The following FAAH2 variants were observed in gnomAD, a reference collection of about 807,000 sequenced individuals.
FAAH2 encodes fatty acid amide hydrolase 2.
In FAAH2, 60 loss-of-function variants were observed where a neutral mutation model predicts 36.9. That is an observed-to-expected ratio of 1.63 (90% CI 1.32 to 2.02). The LOEUF is 2.02. Among genes scored for constraint, FAAH2 ranks in the 30% most tolerant of loss-of-function variants. The pLI is 0.00. For synonymous variants in FAAH2, 214 were observed against 143.8 expected, an observed-to-expected ratio of 1.49 and a Z score of -3.49; for missense variants, 689 against 397.5, an observed-to-expected ratio of 1.73 and a Z score of -6.23.
chrX:57,256,737 C>CT, the FAAH2 span, among the ~76,000 whole-genome samples: 2 of 112,089 alleles, frequency 1.8e-5, no homozygotes, highest in Non-Finnish European at 3.8e-5. Flanking sequence ...GCAAAAGAAA[C>CT]TATCATCAGA....
chrX:57,323,929 G>A (rs1194527061), intron 3 of FAAH2, among the ~76,000 whole-genome samples: 1 of 110,960 alleles, frequency 9.0e-6, no homozygotes, highest in Admixed American at 9.6e-5. Context: ...CCTATGTCCT[G>A]AATGGTATTG....
chrX:57,354,883 C>G (rs1319504626), intron 5 of FAAH2, among the ~76,000 whole-genome samples: 1 of 110,015 alleles, frequency 9.1e-6, no homozygotes, highest in Non-Finnish European at 1.9e-5. Flanking sequence ...ATTAATATGT[C>G]TAGTTTGATA....
chrX:57,277,773 C>T, the FAAH2 span, among the ~76,000 whole-genome samples: 1 of 111,689 alleles, frequency 9.0e-6, no homozygotes, highest in Non-Finnish European at 1.9e-5. Context: ...TTCCTATACA[C>T]CAAGAACAGA....
chrX:57,430,734 G>A (rs1331385418), intron 7 of FAAH2, among the ~76,000 whole-genome samples: 1 of 111,552 alleles, frequency 9.0e-6, no homozygotes. Flanking sequence ...CCTGCCACTT[G>A]GGAATCCAAT....
intron 10 of FAAH2, among the ~76,000 whole-genome samples, chrX:57,484,761 G>A (rs953026341): frequency 3.6e-5 from 4 of 111,383 alleles, no homozygotes; most frequent in Non-Finnish European, 7.5e-5. Context: ...GACCTCAGGT[G>A]CCAGGAGGAC....
At chrX:57,413,437 AT>A (rs1390271535) in intron 7 of FAAH2, among the ~76,000 whole-genome samples, 1 of 112,294 alleles carries the variant, frequency 8.9e-6, no homozygotes, top group African/African-American at 3.2e-5. Context: ...TGTTTTCTGC[AT>A]ATGGCTAGCC....
At chrX:57,166,666 A>C in the FAAH2 span, among the ~76,000 whole-genome samples, 1 of 112,477 alleles carries the variant, frequency 8.9e-6, no homozygotes, top group African/African-American at 3.2e-5. Context: ...CATTTCACTT[A>C]TAAAGCACAT....
intron 2 of FAAH2, among the ~76,000 whole-genome samples, chrX:57,296,233 C>A (rs955371293): frequency 9.0e-6 from 1 of 111,351 alleles, no homozygotes; most frequent in Non-Finnish European, 1.9e-5. Context: ...TCACATTGCC[C>A]AGTACTCCTC....
the FAAH2 span, among the ~76,000 whole-genome samples, chrX:57,242,265 G>A: frequency 8.9e-6 from 1 of 112,478 alleles, no homozygotes; most frequent in South Asian, 3.7e-4. Context: ...GAAGGAGCAG[G>A]CAGCAGTCTT....
At chrX:57,434,837 A>C (rs2056376124) in intron 8 of FAAH2, among the ~76,000 whole-genome samples, 1 of 111,539 alleles carries the variant, frequency 9.0e-6, no homozygotes, top group Non-Finnish European at 1.9e-5. Flanking sequence ...AGTATATCTA[A>C]AGTCAACATA....
At chrX:57,456,724 C>G (rs1276786258) in intron 10 of FAAH2, among the ~76,000 whole-genome samples, 2 of 111,228 alleles carry the variant, frequency 1.8e-5, no homozygotes, top group Non-Finnish European at 3.8e-5. Context: ...AACACACAAC[C>G]TTCCAAGATA....
At chrX:57,352,594 C>T (rs773691253) in intron 5 of FAAH2, among the ~76,000 whole-genome samples, 1 of 110,704 alleles carries the variant, frequency 9.0e-6, no homozygotes, top group Non-Finnish European at 1.9e-5. Flanking sequence ...CAATGTAGTA[C>T]TGGAAGTGAT....
At chrX:57,339,334 C>T (rs938975589) in intron 4 of FAAH2, among the ~76,000 whole-genome samples, 6 of 111,937 alleles carry the variant, frequency 5.4e-5, no homozygotes, top group Admixed American at 9.5e-5. Flanking sequence ...TAGGCAGTAC[C>T]ATTCAGGACG....
At chrX:57,237,599 T>TA in the FAAH2 span, among the ~76,000 whole-genome samples, 1 of 111,140 alleles carries the variant, frequency 9.0e-6, no homozygotes, top group Non-Finnish European at 1.9e-5. Flanking sequence ...ATAAATAATT[T>TA]AAAAAATTAA....
chrX:57,161,194 T>A, the FAAH2 span, among the ~76,000 whole-genome samples: 2 of 112,269 alleles, frequency 1.8e-5, no homozygotes, highest in Non-Finnish European at 3.8e-5. Flanking sequence ...TAATCCTGAG[T>A]TCTAGTTTGA....
At chrX:57,150,574 G>C in the FAAH2 span, among the ~76,000 whole-genome samples, 1 of 111,671 alleles carries the variant, frequency 9.0e-6, no homozygotes, top group East Asian at 2.8e-4. Context: ...CAGAGACTAG[G>C]ATTGCAACCT....
At chrX:57,446,674 G>A (rs1198352582) in intron 8 of FAAH2, among the ~76,000 whole-genome samples, 5 of 111,662 alleles carry the variant, frequency 4.5e-5, no homozygotes, top group African/African-American at 1.3e-4. Flanking sequence ...AGGCTCATAC[G>A]TATGTGATGT....
the FAAH2 span, among the ~76,000 whole-genome samples, chrX:57,264,928 A>T: frequency 8.9e-6 from 1 of 111,983 alleles, no homozygotes; most frequent in Non-Finnish European, 1.9e-5. Context: ...TAAAATATTC[A>T]GGTACTCGCA....
intron 7 of FAAH2, among the ~76,000 whole-genome samples, chrX:57,402,437 T>C (rs1439412360): frequency 8.9e-6 from 1 of 111,851 alleles, no homozygotes; most frequent in African/African-American, 3.3e-5. Flanking sequence ...ATCTCATTGG[T>C]CCTGTTCCAC....
Sources: allele counts gnomAD v4.1 joint callset (sites outside exome capture counted in the v4.1 genomes callset), GRCh38; gene constraint gnomAD v4.1.1; transcripts MANE v1.5; gene names NCBI Gene and HGNC (gene_info 2026-07-23, HGNC 2026-07-21).